The following IFT52 variants were observed in gnomAD, a reference collection of about 807,000 sequenced individuals.
IFT52 encodes intraflagellar transport protein 52 homolog.
In IFT52, 44 loss-of-function variants were observed where a neutral mutation model predicts 54.4. The ratio of observed to expected loss-of-function variants is 0.81; its 90% CI spans 0.63 to 1.04. The LOEUF is 1.04. Among genes scored for constraint, IFT52 ranks in the 50% least tolerant of loss-of-function variants. The probability of loss-of-function intolerance (pLI) is 0.00; values close to 1 mark genes in which losing one functional copy is unlikely to be tolerated. For synonymous variants in IFT52, 181 were observed against 185.3 expected, an observed-to-expected ratio of 0.98 and a Z score of 0.19; for missense variants, 452 against 523.6, an observed-to-expected ratio of 0.86 and a Z score of 1.33.
At chr20:43,607,905 G>A (rs1277538638) in intron 6 of IFT52, among the ~76,000 whole-genome samples, 1 of 152,230 alleles carries the variant, frequency 6.6e-6, no homozygotes, top group East Asian at 1.9e-4. Context: ...GGCACCTCGG[G>A]AGGCCGAGGC....
At chr20:43,623,780 T>G in intron 9 of IFT52, 111 bp from the exon 10 acceptor site, 3 of 1,238,982 alleles carry the variant, frequency 2.4e-6, no homozygotes, top group Non-Finnish European at 3.4e-6. Context: ...ACAGTAAAAT[T>G]TCTTGGCAAG....
In IFT52 at chr20:43,597,521, A is replaced by G. The variant is rs185386408; in HGVS notation, c.207+999A>G. 7.1e-4 allele frequency among the ~76,000 whole-genome samples: 108 copies of G among 152,348 alleles called. 1 individual carries two copies. Among genetic ancestry groups the G allele is most frequent in the African/African-American group, 2.4e-3 (100 of 41,592 alleles). On this transcript the variant is annotated intron_variant, in intron 3 of 13. Transcript: ENST00000373030. Reference sequence around the variant, plus strand: ...AATGGGAAGTTATTGGAACCCTTCCACACTGATGGTGGGAATGTAAAATGA... The same window carrying G: ...AATGGGAAGTTATTGGAACCCTTCCGCACTGATGGTGGGAATGTAAAATGA...
intron 10 of IFT52, among the ~76,000 whole-genome samples, chr20:43,632,315 C>T (rs1257482122): frequency 2.0e-5 from 3 of 150,758 alleles, no homozygotes; most frequent in Non-Finnish European, 4.4e-5. Flanking sequence ...GGCTAGAGTG[C>T]AGTGGTGCAG....
intron 9 of IFT52, among the ~76,000 whole-genome samples, chr20:43,621,621 C>A (rs571359526): frequency 1.3e-5 from 2 of 152,172 alleles, no homozygotes; most frequent in African/African-American, 2.4e-5. Context: ...AACCACCATG[C>A]CTGGCTAATT....
At position 43,629,418 on chromosome 20, in the gene IFT52, G is replaced by A. The variant is rs879874724; in HGVS notation, c.923+5373G>A. 5.3e-5 allele frequency among the ~76,000 whole-genome samples: 8 copies of A among 152,160 alleles called. No individual in the cohort carries two copies. The East Asian group carries it at 5.8e-4, about 11-fold the overall frequency. On this transcript the variant is annotated intron_variant, in intron 10 of 13. Coordinates refer to ENST00000373030, the MANE Select transcript of IFT52 (RefSeq NM_016004.5). ...CTCCCCAGTAGCTGGGACAACAGGC[G>A]CCTGCCACCACATCCAGCTAATGTT...
chr20:43,634,787 C>G (rs1257871049), intron 10 of IFT52, among the ~76,000 whole-genome samples: 1 of 152,082 alleles, frequency 6.6e-6, no homozygotes, highest in Non-Finnish European at 1.5e-5. Flanking sequence ...CGATCCTCTC[C>G]CTCCTCCCAA....
chr20:43,646,715 CTCA>C (rs984986462), intron 13 of IFT52, among the ~76,000 whole-genome samples: 6 of 152,100 alleles, frequency 3.9e-5, no homozygotes, highest in African/African-American at 1.4e-4. Flanking sequence ...CTGTTTGTTA[CTCA>C]TCATGGTGGG....
chr20:43,596,493 G>C lies in IFT52; in HGVS notation c.178G>C (p.Gly60Arg). The C allele has an allele frequency of 6.2e-7, 1 of 1,606,870 alleles. No individual in the cohort carries two copies. ...TGGAGTGAAACTGTGGATTACAGCT[G>C]GGCCAAGGGAAAAATTTACTGCAGC... ...LNGVKLWITA[G>R]PREKFTAAEF... The change falls in exon 3 of 14, where the codon GGG becomes CGG. Residue 60 changes from glycine to arginine, a missense_variant. By Grantham distance (125) the Gly-to-Arg change is moderately radical. Transcript: ENST00000373030.
chr20:43,628,056 G>A (rs925229393), intron 10 of IFT52, among the ~76,000 whole-genome samples: 2 of 149,158 alleles, frequency 1.3e-5, no homozygotes, highest in Admixed American at 6.8e-5. Flanking sequence ...AGCCTCCATA[G>A]TAGCTGGGAC....
chr20:43,637,731 T>A (rs1273805426), intron 12 of IFT52, among the ~76,000 whole-genome samples: 1 of 152,188 alleles, frequency 6.6e-6, no homozygotes, highest in East Asian at 1.9e-4. Context: ...ATGTTGGTTG[T>A]TCTTCTCGAG....
intron 5 of IFT52, among the ~76,000 whole-genome samples, chr20:43,604,686 C>T (rs755025438): frequency 6.6e-6 from 1 of 152,026 alleles, no homozygotes; most frequent in African/African-American, 2.4e-5. Flanking sequence ...TTCTTTCTTG[C>T]CTTTTTGTTT....
chr20:43,628,971 C>T (rs1984958790), intron 10 of IFT52, among the ~76,000 whole-genome samples: 1 of 152,092 alleles, frequency 6.6e-6, no homozygotes, highest in Non-Finnish European at 1.5e-5. Context: ...TTGCCAGTCC[C>T]ACGGGAGGTT....
At position 43,628,784 on chromosome 20, in the gene IFT52, G is replaced by C. The variant is rs186818475; in HGVS notation, c.923+4739G>C. On this transcript the variant is annotated intron_variant, in intron 10 of 13. Coordinates refer to ENST00000373030, the MANE Select transcript of IFT52 (RefSeq NM_016004.5). Reference sequence around the variant, plus strand: ...AAGAATCTCTTGAACCTGGGAAGCAGAGGTTGCAGTGAGCCGAGATCGCGC... The same window carrying C: ...AAGAATCTCTTGAACCTGGGAAGCACAGGTTGCAGTGAGCCGAGATCGCGC... Among the ~76,000 whole-genome samples, 840 of 152,080 alleles carry C rather than the reference G, an allele frequency of 5.5e-3. 6 individuals carry two copies. Among genetic ancestry groups the C allele is most frequent in the Middle Eastern group, 0.014 (4 of 294 alleles).
chr20:43,630,513 T>G (rs1239863219), intron 10 of IFT52, among the ~76,000 whole-genome samples: 3 of 152,190 alleles, frequency 2.0e-5, no homozygotes, highest in Non-Finnish European at 4.4e-5. Context: ...CTTTCAATAG[T>G]TTATCTTTTC....
At chr20:43,619,918 T>TC (rs1245114718) in intron 8 of IFT52, among the ~76,000 whole-genome samples, 97 of 138,564 alleles carry the variant, frequency 7.0e-4, no homozygotes, top group African/African-American at 2.5e-3. Context: ...TACTTTTTTT[T>TC]TTTTTTTTTT....
intron 7 of IFT52, among the ~76,000 whole-genome samples, chr20:43,616,459 A>G (rs1398263255): frequency 6.6e-6 from 1 of 151,360 alleles, no homozygotes; most frequent in African/African-American, 2.4e-5. Context: ...CAGTGAGCCA[A>G]GATCATGCCA....
At chr20:43,598,172 G>A (rs1198954984) in intron 3 of IFT52, among the ~76,000 whole-genome samples, 3 of 152,096 alleles carry the variant, frequency 2.0e-5, no homozygotes, top group Non-Finnish European at 2.9e-5. Context: ...TATGCCAAAC[G>A]AAAATAAGGC....
At chr20:43,591,721 A>G (rs766187564) in intron 1 of IFT52, among the ~76,000 whole-genome samples, 2 of 152,184 alleles carry the variant, frequency 1.3e-5, no homozygotes, top group East Asian at 3.8e-4. Flanking sequence ...ACCAGATATT[A>G]TAACATAAAG....
intron 13 of IFT52, among the ~76,000 whole-genome samples, chr20:43,644,705 G>A (rs151260052): frequency 0.03 from 1,724 of 57,284 alleles, 685 homozygotes; most frequent in African/African-American, 0.081. Flanking sequence ...GCTTGAACCC[G>A]GGAGACAGAG....
Sources: gnomAD v4.1 joint callset for allele counts (sites outside exome capture counted in the v4.1 genomes callset) on GRCh38, gnomAD v4.1.1 for gene constraint, MANE v1.5 for transcripts, NCBI Gene and HGNC (gene_info 2026-07-23, HGNC 2026-07-21) for gene names.